Variants in MAMDC2 observed in about 807,000 individuals in gnomAD.
The protein encoded by MAMDC2 is MAM domain containing 2.
Under a neutral mutation model 89.8 loss-of-function variants are expected in MAMDC2, and 57 were observed. The ratio of observed to expected loss-of-function variants is 0.63; its 90% CI spans 0.51 to 0.79. The LOEUF is 0.79. MAMDC2 is among the 30% of genes least tolerant of loss of function. The pLI is 0.00. For synonymous variants in MAMDC2, 313 were observed against 293.4 expected (o/e 1.07, Z -0.68); for missense variants, 800 against 820.6 (o/e 0.97, Z 0.31).
chr9:70,205,774 T>C (rs73448684), intron 11 of MAMDC2, among the ~76,000 whole-genome samples: 3,703 of 152,262 alleles, frequency 0.024, 150 homozygotes, highest in African/African-American at 0.082. Context: ...TGCAACAACA[T>C]GTGAGCTGGT....
intron 2 of MAMDC2, among the ~76,000 whole-genome samples, chr9:70,048,083 A>T (rs1826800784): frequency 6.6e-6 from 1 of 152,210 alleles, no homozygotes; most frequent in Admixed American, 6.5e-5. Flanking sequence ...GGGCACTGAA[A>T]CCCAGTTTTG....
intron 8 of MAMDC2, 109 bp from the exon 9 acceptor site, chr9:70,143,445 A>C: frequency 8.1e-7 from 1 of 1,236,686 alleles, no homozygotes; most frequent in East Asian, 2.4e-5. Flanking sequence ...TATCATTTAA[A>C]GCATAGCTGA....
At chr9:70,140,772 C>T (rs2031187355) in intron 8 of MAMDC2, among the ~76,000 whole-genome samples, 3 of 152,000 alleles carry the variant, frequency 2.0e-5, no homozygotes, top group East Asian at 3.9e-4. Flanking sequence ...TGTGCACTTT[C>T]AAATGGATAA....
intron 9 of MAMDC2, among the ~76,000 whole-genome samples, chr9:70,151,285 T>A (rs940923198): frequency 6.6e-6 from 1 of 152,252 alleles, no homozygotes; most frequent in Non-Finnish European, 1.5e-5. Flanking sequence ...GTTTGCCCAG[T>A]TTATTTTGTG....
At chr9:70,211,754 T>G (rs892859888) in intron 11 of MAMDC2, among the ~76,000 whole-genome samples, 3 of 152,252 alleles carry the variant, frequency 2.0e-5, no homozygotes, top group Non-Finnish European at 2.9e-5. Flanking sequence ...CCTATCTTTG[T>G]GGTTTTATCT....
chr9:70,109,445 A>AGACAGCT (rs538611990), intron 3 of MAMDC2: 136 of 371,884 alleles, frequency 3.7e-4, no homozygotes, highest in African/African-American at 2.7e-3. Context: ...AGAGAAGAAA[A>AGACAGCT]GACAGCTGAC....
intron 9 of MAMDC2, among the ~76,000 whole-genome samples, chr9:70,151,402 G>A (rs555217925): frequency 3.3e-5 from 5 of 152,312 alleles, no homozygotes; most frequent in Non-Finnish European, 4.4e-5. Context: ...GGACCTTGTC[G>A]GTCTTGTTCA....
intron 11 of MAMDC2, among the ~76,000 whole-genome samples, chr9:70,200,103 G>A (rs2033068362): frequency 6.6e-6 from 1 of 151,818 alleles, no homozygotes; most frequent in Non-Finnish European, 1.5e-5. Flanking sequence ...TGCTTTTGGT[G>A]TTTTGGACAT....
chr9:70,220,275 T>C (rs942608916), intron 12 of MAMDC2, among the ~76,000 whole-genome samples: 2 of 152,264 alleles, frequency 1.3e-5, no homozygotes, highest in African/African-American at 4.8e-5. Flanking sequence ...AGGTAGTTAT[T>C]TGAAATGTTT....
Position 70,225,830 on chromosome 9 carries a change from T to C in MAMDC2, c.1992T>C (p.Cys664=), listed in dbSNP as rs2033631545. 1 of 1,605,380 alleles carries C rather than the reference T, an allele frequency of 6.2e-7. No homozygotes were observed. The highest frequency in any genetic ancestry group is 1.7e-5 in the Admixed American group (1 of 59,922). ...IDDVKFQAGP[C]GEMEDTTQQS... ...ATGTTAAATTTCAGGCAGGACCCTG[T>C]GGAGGTAATATTTTTTCCCAATCAT... Residue 664 remains cysteine (C), a synonymous_variant, in exon 13 of 14, where the codon TGT becomes TGC. Coordinates refer to ENST00000377182, the MANE Select transcript of MAMDC2 (RefSeq NM_153267.5).
intron 9 of MAMDC2, among the ~76,000 whole-genome samples, chr9:70,144,336 A>C (rs2031325584): frequency 6.6e-6 from 1 of 152,234 alleles, no homozygotes; most frequent in Non-Finnish European, 1.5e-5. Flanking sequence ...CACCCTAGCC[A>C]GAGAGAATTT....
chr9:70,170,315 C>T, intron 10 of MAMDC2, 164 bp from the exon 11 acceptor site: 1 of 590,330 alleles, frequency 1.7e-6, no homozygotes, highest in Non-Finnish European at 2.7e-6. Flanking sequence ...AATGCAGCCT[C>T]TAGCTGGAAG....
chr9:70,194,881 C>A (rs1024466379), intron 11 of MAMDC2, among the ~76,000 whole-genome samples: 1 of 152,008 alleles, frequency 6.6e-6, no homozygotes, highest in Non-Finnish European at 1.5e-5. Context: ...GAAATTCTGT[C>A]GGAACCTTAG....
chr9:70,068,698 G>A (rs1827325768), intron 2 of MAMDC2, among the ~76,000 whole-genome samples: 1 of 124,976 alleles, frequency 8.0e-6, no homozygotes, highest in Non-Finnish European at 1.6e-5. Flanking sequence ...TTCCAGCCTG[G>A]TTGACAGAGT....
intron 11 of MAMDC2, chr9:70,217,451 C>G: frequency 7.2e-7 from 1 of 1,379,360 alleles, no homozygotes; most frequent in Non-Finnish European, 1.0e-6. Flanking sequence ...ACTGGTGCAT[C>G]TCTTGCTGAT....
At chr9:70,181,715 G>C (rs1290972422) in intron 11 of MAMDC2, among the ~76,000 whole-genome samples, 1 of 152,136 alleles carries the variant, frequency 6.6e-6, no homozygotes, top group Non-Finnish European at 1.5e-5. Context: ...TGTATCCAGA[G>C]ACTTTGCTGA....
intron 2 of MAMDC2, among the ~76,000 whole-genome samples, chr9:70,051,958 C>T (rs1563932264): frequency 6.6e-6 from 1 of 152,066 alleles, no homozygotes; most frequent in Non-Finnish European, 1.5e-5. Flanking sequence ...GTTTCACCTA[C>T]AGAATGGTTC....
chr9:70,222,850 T>C (rs2033589646), intron 12 of MAMDC2, among the ~76,000 whole-genome samples: 1 of 152,108 alleles, frequency 6.6e-6, no homozygotes, highest in African/African-American at 2.4e-5. Context: ...CAGCTAAGAC[T>C]CAGGTTGGCA....
At position 70,161,531 on chromosome 9, in the gene MAMDC2, C is replaced by A. The variant is rs1257077458; in HGVS notation, c.1405-7171C>A. ...GACCAAATATAGTATCTGCAGCAGG[C>A]ATGCTTTTGCAATTTTGCAGCTATT... On this transcript the variant is annotated intron_variant, in intron 9 of 13. Coordinates refer to ENST00000377182, the MANE Select transcript of MAMDC2 (RefSeq NM_153267.5). Among the ~76,000 whole-genome samples the A allele has an allele frequency of 2.6e-5, 4 of 152,342 alleles. No individual in the cohort carries two copies. In the East Asian group the frequency reaches 7.7e-4, roughly 29 times the overall value.
Sources: gnomAD v4.1 joint callset for allele counts (sites outside exome capture counted in the v4.1 genomes callset) on GRCh38, gnomAD v4.1.1 for gene constraint, MANE v1.5 for transcripts, NCBI Gene and HGNC (gene_info 2026-07-23, HGNC 2026-07-21) for gene names.